The following ATE1 variants were observed in gnomAD, a reference collection of about 807,000 sequenced individuals.
ATE1 encodes the protein arginyltransferase 1, also known as arginyl-tRNA--protein transferase 1.
A neutral mutation model predicts 70.5 loss-of-function variants in ATE1; 36 were observed. That is an observed-to-expected ratio of 0.51 (90% CI 0.39 to 0.67). ATE1 has a LOEUF of 0.67. ATE1 is among the 30% of genes least tolerant of loss of function. The probability of loss-of-function intolerance (pLI) is 0.00; values close to 1 mark genes in which losing one functional copy is unlikely to be tolerated. For synonymous variants in ATE1, 232 were observed against 219.3 expected, an observed-to-expected ratio of 1.06 and a Z score of -0.51; for missense variants, 593 against 629.5, an observed-to-expected ratio of 0.94 and a Z score of 0.62.
chr10:121,879,985 G>A (rs1950177943), intron 7 of ATE1, among the ~76,000 whole-genome samples: 1 of 152,146 alleles, frequency 6.6e-6, no homozygotes, highest in Non-Finnish European at 1.5e-5. Flanking sequence ...AAAAAATTGG[G>A]TGTCTTCCAA....
intron 7 of ATE1, among the ~76,000 whole-genome samples, chr10:121,887,892 A>T (rs953033916): frequency 6.6e-5 from 10 of 152,188 alleles, no homozygotes; most frequent in Admixed American, 2.6e-4. Flanking sequence ...GTGTAGAAAC[A>T]ATAATACAAT....
In ATE1 at chr10:121,899,131, G is replaced by A. The variant is rs115962112; in HGVS notation, c.942+735C>T. On this transcript the variant is annotated intron_variant, in intron 7 of 11. Coordinates refer to ENST00000224652, the MANE Select transcript of ATE1 (RefSeq NM_001001976.3). ...GACGAGGCAGACGGGTGCAGAGACC[G>A]AAGTGCTAACTGTACTAAAACTTAT... is the stretch of plus-strand genomic sequence containing the variant. Among the ~76,000 whole-genome samples, 1,083 of 152,200 alleles carry A rather than the reference G, an allele frequency of 7.1e-3. 10 individuals carry two copies. The highest frequency in any genetic ancestry group is 0.024 in the African/African-American group (1,014 of 41,530).
chr10:121,766,420 T>C (rs1282484890), intron 11 of ATE1, among the ~76,000 whole-genome samples: 1 of 152,046 alleles, frequency 6.6e-6, no homozygotes, highest in African/African-American at 2.4e-5. Context: ...CTCAGGACAT[T>C]ATATATCAAA....
intron 5 of ATE1, 53 bp downstream of exon 5, chr10:121,910,850 TGAC>T: frequency 6.2e-7 from 1 of 1,610,294 alleles, no homozygotes; most frequent in Non-Finnish European, 8.5e-7. Context: ...GGGTTTAAAA[TGAC>T]TCAGCAAAAA....
chr10:121,817,875 G>A (rs908978459), intron 10 of ATE1, among the ~76,000 whole-genome samples: 8 of 152,064 alleles, frequency 5.3e-5, no homozygotes, highest in Non-Finnish European at 1.0e-4. Context: ...GGGCACTAAC[G>A]CAAAGTAAAG....
chr10:121,758,380 T>G (rs923445303), intron 11 of ATE1, among the ~76,000 whole-genome samples: 1 of 152,226 alleles, frequency 6.6e-6, no homozygotes, highest in African/African-American at 2.4e-5. Flanking sequence ...AAGAATGAAT[T>G]TGGCATTGGG....
chr10:121,892,386 C>A (rs1260712364), intron 7 of ATE1, among the ~76,000 whole-genome samples: 2 of 150,518 alleles, frequency 1.3e-5, no homozygotes, highest in African/African-American at 4.9e-5. Context: ...ACAAGAGTGG[C>A]AGAAAGATTT....
chr10:121,743,795 G>A lies in ATE1; in HGVS notation c.1442C>T (p.Pro481Leu), dbSNP rs575175908. 6.2e-7 allele frequency: 1 copy of A among 1,614,062 alleles called. No individual in the cohort carries two copies. Among genetic ancestry groups the A allele is most frequent in the East Asian group, 2.2e-5 (1 of 44,876 alleles). Residue 481 changes from proline (P) to leucine (L), a missense_variant, in exon 12 of 12, where the codon CCT (proline) becomes CTT (leucine). By Grantham distance (98) the Pro-to-Leu change is moderately conservative (BLOSUM62 -3). This residue lies in a region of ATE1 where 90 missense variants were observed against 93.7 expected (regional missense o/e 0.96). Coordinates refer to ENST00000224652, the MANE Select transcript of ATE1 (RefSeq NM_001001976.3). Reference sequence around the variant, plus strand: ...CTGCTGTTTCTTATAAACACCGTAAGGCATGATGGCTCTCTTGTGAAACAC... The same window carrying A: ...CTGCTGTTTCTTATAAACACCGTAAAGCATGATGGCTCTCTTGTGAAACAC... ...LQVFHKRAIM[P>L]YGVYKKQQKD...
chr10:121,898,252 C>G (rs73364470), intron 7 of ATE1, among the ~76,000 whole-genome samples: 5,011 of 152,188 alleles, frequency 0.033, 153 homozygotes, highest in African/African-American at 0.082. Context: ...TTCAACTTTA[C>G]AATGATGGAA....
At chr10:121,918,613 CAATA>C (rs1951753752) in intron 3 of ATE1, among the ~76,000 whole-genome samples, 1 of 152,112 alleles carries the variant, frequency 6.6e-6, no homozygotes. Context: ...GTCCATAATC[CAATA>C]AATTGCTAAT....
intron 8 of ATE1, among the ~76,000 whole-genome samples, chr10:121,853,221 G>A (rs954379285): frequency 2.6e-5 from 4 of 151,942 alleles, no homozygotes; most frequent in Non-Finnish European, 5.9e-5. Flanking sequence ...AAAATTAGCC[G>A]GGCATGGTGG....
chr10:121,812,326 C>G (rs1947357967), intron 10 of ATE1, among the ~76,000 whole-genome samples: 1 of 152,040 alleles, frequency 6.6e-6, no homozygotes, highest in Non-Finnish European at 1.5e-5. Context: ...AAATACCACA[C>G]AGGAAAAATA....
chr10:121,873,243 A>C (rs538231545), intron 7 of ATE1, among the ~76,000 whole-genome samples: 1 of 152,186 alleles, frequency 6.6e-6, no homozygotes, highest in South Asian at 2.1e-4. Flanking sequence ...CAAGTCTTGA[A>C]TTTTTTTTAA....
intron 7 of ATE1, chr10:121,899,108 C>A: frequency 1.1e-6 from 1 of 915,766 alleles, no homozygotes. Flanking sequence ...AAACCTTAGA[C>A]GAGGCAGACG....
intron 11 of ATE1, among the ~76,000 whole-genome samples, chr10:121,744,642 G>C (rs1424168980): frequency 2.0e-5 from 3 of 152,186 alleles, no homozygotes; most frequent in Admixed American, 2.0e-4. Context: ...CATGGTCTTA[G>C]GTAGGAGGGC....
intron 10 of ATE1, among the ~76,000 whole-genome samples, chr10:121,829,748 T>C (rs922335014): frequency 2.6e-5 from 4 of 152,112 alleles, no homozygotes; most frequent in Non-Finnish European, 4.4e-5. Flanking sequence ...AAATCGCTCC[T>C]ATTGAAGAAA....
intron 10 of ATE1, among the ~76,000 whole-genome samples, chr10:121,795,429 C>T (rs1222701844): frequency 2.0e-5 from 3 of 152,096 alleles, no homozygotes; most frequent in Non-Finnish European, 4.4e-5. Context: ...ATGCATAAAA[C>T]ATAAAAAATA....
intron 7 of ATE1, among the ~76,000 whole-genome samples, chr10:121,887,169 G>A (rs1203062056): frequency 2.8e-5 from 3 of 106,052 alleles, no homozygotes; most frequent in East Asian, 2.7e-4. Context: ...AAAGAGCAAA[G>A]GGTTCTCGAT....
chr10:121,923,272 C>A (rs1010870784), intron 2 of ATE1, among the ~76,000 whole-genome samples: 1 of 152,154 alleles, frequency 6.6e-6, no homozygotes, highest in African/African-American at 2.4e-5. Context: ...ATGTTCGAGA[C>A]CAGCACGGGC....
Sources: gnomAD v4.1 joint callset for allele counts (sites outside exome capture counted in the v4.1 genomes callset) on GRCh38, gnomAD v4.1.1 for gene constraint, gnomAD v4.1.1 regional missense constraint, MANE v1.5 for transcripts, NCBI Gene and HGNC (gene_info 2026-07-23, HGNC 2026-07-21) for gene names.